Variants in UTRN observed in about 807,000 individuals in gnomAD.
UTRN encodes utrophin.
A neutral mutation model predicts 463.9 loss-of-function variants in UTRN; 283 were observed. That is an observed-to-expected ratio of 0.61 (90% CI 0.55 to 0.67). The LOEUF (loss-of-function observed/expected upper bound fraction) is 0.67, where lower values mean the gene tolerates loss of function less well. UTRN is among the 30% of genes least tolerant of loss of function. The probability of loss-of-function intolerance (pLI) is 0.00; values close to 1 mark genes in which losing one functional copy is unlikely to be tolerated. For missense variants in UTRN, 3,922 were observed against 4,084.3 expected (o/e 0.96, Z 1.08); for synonymous variants, 1,442 against 1,431.5 (o/e 1.01, Z -0.17).
chr6:144,445,633 A>G (rs1787611570), intron 14 of UTRN, among the ~76,000 whole-genome samples: 1 of 151,794 alleles, frequency 6.6e-6, no homozygotes, highest in South Asian at 2.1e-4. Context: ...CTGATTTATG[A>G]AATGTTTACA....
intron 51 of UTRN, among the ~76,000 whole-genome samples, chr6:144,602,936 T>C (rs767700410): frequency 6.6e-6 from 1 of 152,236 alleles, no homozygotes; most frequent in Non-Finnish European, 1.5e-5. Context: ...TTTTATGCAC[T>C]GGGAAACCAA....
chr6:144,519,873 T>C (rs1795938211), intron 39 of UTRN, among the ~76,000 whole-genome samples: 1 of 152,204 alleles, frequency 6.6e-6, no homozygotes, highest in African/African-American at 2.4e-5. Context: ...ATCCGTTATG[T>C]AACTGAAGAA....
chr6:144,743,271 A>G (rs376714596), intron 54 of UTRN, among the ~76,000 whole-genome samples: 2 of 152,368 alleles, frequency 1.3e-5, no homozygotes, highest in South Asian at 4.1e-4. Context: ...ACAAATGTTG[A>G]TATCATAATT....
At chr6:144,688,991 G>C (rs751697513) in intron 52 of UTRN, among the ~76,000 whole-genome samples, 11 of 152,244 alleles carry the variant, frequency 7.2e-5, no homozygotes, top group Non-Finnish European at 1.3e-4. Flanking sequence ...AGGGAAAAGG[G>C]AGGAAGCTAC....
chr6:144,673,103 A>G (rs1000720039), intron 51 of UTRN, among the ~76,000 whole-genome samples: 1 of 152,132 alleles, frequency 6.6e-6, no homozygotes, highest in South Asian at 2.1e-4. Context: ...CATATGGTCT[A>G]TCTTGAAGAA....
intron 65 of UTRN, among the ~76,000 whole-genome samples, chr6:144,808,568 T>G (rs1176328090): frequency 7.2e-5 from 11 of 152,052 alleles, no homozygotes. Context: ...TGTTAGTGAA[T>G]TTCAAGTGTA....
intron 2 of UTRN, among the ~76,000 whole-genome samples, chr6:144,339,443 TA>T (rs1160779297): frequency 3.9e-5 from 6 of 152,184 alleles, no homozygotes; most frequent in African/African-American, 1.4e-4. Flanking sequence ...GATTAGTTCA[TA>T]GATTTGCATC....
At chr6:144,473,879 T>C (rs1419352862) in intron 24 of UTRN, 46 bp downstream of exon 24, 1 of 1,394,532 alleles carries the variant, frequency 7.2e-7, no homozygotes, top group Non-Finnish European at 1.0e-6. Context: ...AACATTTTGT[T>C]CTTTTTCTAT....
At chr6:144,348,685 A>C (rs1777818060) in intron 2 of UTRN, among the ~76,000 whole-genome samples, 1 of 152,206 alleles carries the variant, frequency 6.6e-6, no homozygotes, top group Non-Finnish European at 1.5e-5. Context: ...CTGTAATCCC[A>C]GCACTTTGGG....
chr6:144,654,321 T>A (rs1251304642), intron 51 of UTRN, among the ~76,000 whole-genome samples: 1 of 152,198 alleles, frequency 6.6e-6, no homozygotes, highest in African/African-American at 2.4e-5. Context: ...TCCCACTGCT[T>A]AGTATTATAC....
intron 9 of UTRN, 120 bp from the exon 10 acceptor site, chr6:144,435,815 A>T: frequency 9.4e-7 from 1 of 1,068,442 alleles, no homozygotes; most frequent in Non-Finnish European, 1.3e-6. Context: ...GGCTCCTGAG[A>T]ATTGGATTAG....
At position 144,443,236 on chromosome 6, in the gene UTRN, C is replaced by T. The variant is rs79991166; in HGVS notation, c.1513-1045C>T. ...GGCAATCCAAACTGTAATTTCATCA[C>T]GTGAGGTCCTTTTGCTTTTGTGATA... On this transcript the variant is annotated intron_variant, in intron 13 of 74. Coordinates refer to ENST00000367545, the MANE Select transcript of UTRN (RefSeq NM_007124.3). Among the ~76,000 whole-genome samples the T allele has an allele frequency of 8.1e-4, 124 of 152,262 alleles. 1 individual carries two copies. The highest frequency in any genetic ancestry group is 2.8e-3 in the African/African-American group (116 of 41,550).
At chr6:144,405,709 A>G (rs1041885520) in intron 3 of UTRN, among the ~76,000 whole-genome samples, 1 of 152,220 alleles carries the variant, frequency 6.6e-6, no homozygotes, top group African/African-American at 2.4e-5. Flanking sequence ...TTTAAAACAG[A>G]CATTTGTCTA....
In UTRN at chr6:144,575,453, A is replaced by G. The variant is rs6923287; in HGVS notation, c.7290-1646A>G. Among the ~76,000 whole-genome samples, 986 of 152,294 alleles carry G rather than the reference A, an allele frequency of 6.5e-3. 15 individuals carry two copies. The highest frequency in any genetic ancestry group is 0.06 in the East Asian group (313 of 5,186). On this transcript the variant is annotated intron_variant, in intron 50 of 74. Transcript: ENST00000367545. Reference sequence around the variant, plus strand: ...TACGTGTAAATAAAGTCTATTAGATATGCTGATTTTTACTGTGATACAATT... The same window carrying G: ...TACGTGTAAATAAAGTCTATTAGATGTGCTGATTTTTACTGTGATACAATT...
chr6:144,353,910 C>CA (rs1217597232), intron 2 of UTRN, among the ~76,000 whole-genome samples: 1 of 152,152 alleles, frequency 6.6e-6, no homozygotes, highest in Non-Finnish European at 1.5e-5. Context: ...ATAAATGACT[C>CA]AGTGAACATT....
At chr6:144,706,150 A>G (rs763554021) in intron 53 of UTRN, among the ~76,000 whole-genome samples, 15 of 151,644 alleles carry the variant, frequency 9.9e-5, no homozygotes, top group Non-Finnish European at 1.9e-4. Flanking sequence ...CTAAGTCTCT[A>G]ACTTATCCTG....
chr6:144,688,249 G>T (rs1216416092), intron 52 of UTRN, among the ~76,000 whole-genome samples: 3 of 151,922 alleles, frequency 2.0e-5, no homozygotes, highest in Non-Finnish European at 2.9e-5. Flanking sequence ...TATCTCATTA[G>T]AAAATTTTTC....
intron 61 of UTRN, 62 bp downstream of exon 61, chr6:144,782,185 GT>G: frequency 7.2e-7 from 1 of 1,390,956 alleles, no homozygotes; most frequent in South Asian, 1.5e-5. Flanking sequence ...AATAGAAAAT[GT>G]CTGATTTTTA....
At chr6:144,756,151 CT>C (rs1368799091) in intron 57 of UTRN, among the ~76,000 whole-genome samples, 1 of 152,040 alleles carries the variant, frequency 6.6e-6, no homozygotes, top group African/African-American at 2.4e-5. Flanking sequence ...TTGCTGTATA[CT>C]TATTAGATTA....
Sources: allele counts gnomAD v4.1 joint callset (sites outside exome capture counted in the v4.1 genomes callset), GRCh38; gene constraint gnomAD v4.1.1; transcripts MANE v1.5; gene names NCBI Gene and HGNC (gene_info 2026-07-23, HGNC 2026-07-21).